NSMCE2: variants seen among roughly 807,000 people sequenced by gnomAD.
The protein encoded by NSMCE2 is NSE2 SUMO ligase component of SMC5/6 complex, also known as E3 SUMO-protein ligase NSE2.
In NSMCE2, 24 loss-of-function variants were observed where a neutral mutation model predicts 23.8. That is an observed-to-expected ratio of 1.01 (90% CI 0.73 to 1.42). The LOEUF (loss-of-function observed/expected upper bound fraction) is 1.42. Ranked by LOEUF, NSMCE2 falls within the 40% of genes most tolerant of loss-of-function variation. The pLI is 0.00. For synonymous variants in NSMCE2, 92 were observed against 94.1 expected (o/e 0.98, Z 0.13); for missense variants, 284 against 296.5 (o/e 0.96, Z 0.31).
rs145919127 is a variant in NSMCE2 at position 125,240,060 on chromosome 8, G to C, written c.418+57804G>C. On this transcript the variant is annotated intron_variant, in intron 5 of 7. Coordinates refer to ENST00000287437, the MANE Select transcript of NSMCE2 (RefSeq NM_173685.4). ...CTGGACTGAACTGAAAAGACAACTA[G>C]ATTATAGAACAGAATTCTCCTGAAG... Among the ~76,000 whole-genome samples, 702 of 152,068 alleles carry C rather than the reference G, an allele frequency of 4.6e-3. 6 individuals carry two copies. Among genetic ancestry groups the C allele is most frequent in the Middle Eastern group, 0.038 (11 of 288 alleles).
chr8:125,208,231 T>G (rs1379816682), intron 5 of NSMCE2, among the ~76,000 whole-genome samples: 2 of 152,226 alleles, frequency 1.3e-5, no homozygotes, highest in Non-Finnish European at 2.9e-5. Flanking sequence ...ATCTGTTTGA[T>G]GAAAGACATG....
intron 5 of NSMCE2, among the ~76,000 whole-genome samples, chr8:125,297,735 T>C (rs1296366672): frequency 6.6e-6 from 1 of 151,540 alleles, no homozygotes; most frequent in Non-Finnish European, 1.5e-5. Flanking sequence ...GTTGGGAGGC[T>C]GAGGTAGAAG....
intron 3 of NSMCE2, among the ~76,000 whole-genome samples, chr8:125,118,934 T>G (rs1365457578): frequency 1.3e-5 from 2 of 152,232 alleles, no homozygotes; most frequent in Admixed American, 1.3e-4. Flanking sequence ...GATTTTGTTA[T>G]CGATTACATT....
At chr8:125,154,790 A>G (rs1159529827) in intron 4 of NSMCE2, among the ~76,000 whole-genome samples, 1 of 152,092 alleles carries the variant, frequency 6.6e-6, no homozygotes, top group Non-Finnish European at 1.5e-5. Flanking sequence ...TTTAATCACT[A>G]TTACTGCCAC....
chr8:125,266,619 A>G (rs1005950040), intron 5 of NSMCE2, among the ~76,000 whole-genome samples: 1 of 152,206 alleles, frequency 6.6e-6, no homozygotes, highest in Non-Finnish European at 1.5e-5. Flanking sequence ...GCTGTCTCCA[A>G]CTGATCATTT....
intron 3 of NSMCE2, 28 bp from the exon 4 acceptor site, chr8:125,151,143 T>A: frequency 8.0e-7 from 1 of 1,252,162 alleles, no homozygotes; most frequent in Non-Finnish European, 1.2e-6. Context: ...AAATGGAAAA[T>A]AATAATTGCA....
chr8:125,243,302 AAGT>A (rs1356196273), intron 5 of NSMCE2, among the ~76,000 whole-genome samples: 2 of 152,152 alleles, frequency 1.3e-5, no homozygotes, highest in African/African-American at 4.8e-5. Context: ...TTCTCTGAAG[AAGT>A]AGTGCTATGT....
At chr8:125,301,437 A>G (rs1005638894) in intron 5 of NSMCE2, among the ~76,000 whole-genome samples, 5 of 152,172 alleles carry the variant, frequency 3.3e-5, no homozygotes, top group Admixed American at 3.3e-4. Flanking sequence ...CTCTAAAATA[A>G]GTAATAATAA....
chr8:125,239,384 A>G (rs1400907335), intron 5 of NSMCE2, among the ~76,000 whole-genome samples: 1 of 152,154 alleles, frequency 6.6e-6, no homozygotes, highest in Non-Finnish European at 1.5e-5. Context: ...CAGGGTGGGC[A>G]GATCACTTGA....
chr8:125,241,603 A>C (rs1825766981), intron 5 of NSMCE2, among the ~76,000 whole-genome samples: 1 of 152,218 alleles, frequency 6.6e-6, no homozygotes, highest in Non-Finnish European at 1.5e-5. Context: ...ATTGAAGGTT[A>C]ATAAGAATTG....
intron 5 of NSMCE2, among the ~76,000 whole-genome samples, chr8:125,356,953 G>A (rs1813306327): frequency 6.6e-6 from 1 of 152,320 alleles, no homozygotes; most frequent in Non-Finnish European, 1.5e-5. Flanking sequence ...CTCTGACTCT[G>A]AAGCCACACC....
At chr8:125,181,087 G>A (rs1246703160) in intron 4 of NSMCE2, among the ~76,000 whole-genome samples, 1 of 152,150 alleles carries the variant, frequency 6.6e-6, no homozygotes, top group African/African-American at 2.4e-5. Context: ...TGATGAAAGG[G>A]AGCGATTATG....
chr8:125,179,603 C>G (rs1006357723), intron 4 of NSMCE2, among the ~76,000 whole-genome samples: 2 of 152,198 alleles, frequency 1.3e-5, no homozygotes, highest in African/African-American at 4.8e-5. Flanking sequence ...CATGCAGACT[C>G]AAACTTTCAG....
At chr8:125,106,232 C>G (rs1423645757) in intron 3 of NSMCE2, among the ~76,000 whole-genome samples, 1 of 152,112 alleles carries the variant, frequency 6.6e-6, no homozygotes, top group Non-Finnish European at 1.5e-5. Context: ...GGAAGACAAA[C>G]ACATATTAAA....
At chr8:125,111,775 A>G (rs1586444414) in intron 3 of NSMCE2, among the ~76,000 whole-genome samples, 4 of 152,320 alleles carry the variant, frequency 2.6e-5, no homozygotes, top group South Asian at 2.1e-4. Flanking sequence ...ACTGCAACCT[A>G]GGCAGTAGAG....
intron 4 of NSMCE2, among the ~76,000 whole-genome samples, chr8:125,169,152 C>G (rs1822043129): frequency 6.6e-6 from 1 of 152,122 alleles, no homozygotes; most frequent in Admixed American, 6.5e-5. Context: ...TTTCTTCTAG[C>G]TTCTGGTCAC....
At chr8:125,364,388 A>G (rs951901827) in intron 7 of NSMCE2, among the ~76,000 whole-genome samples, 2 of 152,220 alleles carry the variant, frequency 1.3e-5, no homozygotes, top group Non-Finnish European at 2.9e-5. Flanking sequence ...GCTTCCTACC[A>G]CTAGACAAAT....
chr8:125,256,504 T>C (rs551547882), intron 5 of NSMCE2, among the ~76,000 whole-genome samples: 1 of 152,178 alleles, frequency 6.6e-6, no homozygotes, highest in African/African-American at 2.4e-5. Context: ...AGTGAGGCAG[T>C]TGGAAATACA....
intron 4 of NSMCE2, among the ~76,000 whole-genome samples, chr8:125,169,478 A>G (rs980354842): frequency 2.0e-5 from 3 of 152,312 alleles, no homozygotes; most frequent in African/African-American, 7.2e-5. Context: ...GGATTCTGTA[A>G]CTTCGTAAAT....
Sources: gnomAD v4.1 joint callset for allele counts (sites outside exome capture counted in the v4.1 genomes callset) on GRCh38, gnomAD v4.1.1 for gene constraint, MANE v1.5 for transcripts, NCBI Gene and HGNC (gene_info 2026-07-23, HGNC 2026-07-21) for gene names.